ZNF420: variants seen among roughly 807,000 people sequenced by gnomAD.
ZNF420 encodes the protein zinc finger protein 420, also known as ATM and p53-associated KZNF protein.
ZNF420 carries 31 observed loss-of-function variants against 44.7 expected under a neutral mutation model. The observed-to-expected ratio is 0.69, with a 90% CI of 0.52 to 0.94. The LOEUF (loss-of-function observed/expected upper bound fraction) is 0.94. ZNF420 is among the 40% of genes least tolerant of loss of function. The pLI, the probability that ZNF420 is intolerant of heterozygous loss-of-function variation, is 0.00. For missense variants in ZNF420, 681 were observed against 827.9 expected, an observed-to-expected ratio of 0.82 and a Z score of 2.18; for synonymous variants, 245 against 267.4, an observed-to-expected ratio of 0.92 and a Z score of 0.82.
intron 1 of ZNF420, among the ~76,000 whole-genome samples, chr19:37,038,650 C>A (rs1301307178): frequency 1.3e-5 from 2 of 152,156 alleles, no homozygotes; most frequent in Non-Finnish European, 2.9e-5. Flanking sequence ...AACTCCTCAT[C>A]CATTAAGATT....
rs367703367 is a variant in ZNF420 at position 37,087,290 on chromosome 19, AAAATAAATAAAT to A, written c.-80-1713_-80-1702del. ...AGAGTGAGACCCTGTCTCAAAAAAAAAAATAAATAAATAAATAAATAAATAAATAAATAAATA... is the reference window on the plus strand; with the variant it reads ...AGAGTGAGACCCTGTCTCAAAAAAAAAAATAAATAAATAAATAAATAAATA... On this transcript the variant is annotated intron_variant, in intron 2 of 4. Coordinates refer to ENST00000337995, the MANE Select transcript of ZNF420 (RefSeq NM_144689.5). Among the ~76,000 whole-genome samples, 269 of 83,454 alleles carry A rather than the reference AAAATAAATAAAT, an allele frequency of 3.2e-3. 5 individuals are homozygous for A. The highest frequency in any genetic ancestry group is 0.014 in the African/African-American group (253 of 17,544). The allele number at this position is 83,454 out of a possible 152,430, so 54.7% of individuals were successfully genotyped here. A position where few individuals can be genotyped will look rare whatever the true frequency, so the allele number is the denominator to read the frequency against.
chr19:37,052,429 G>A (rs1046633351), intron 1 of ZNF420, among the ~76,000 whole-genome samples: 7 of 152,152 alleles, frequency 4.6e-5, no homozygotes, highest in South Asian at 2.1e-4. Flanking sequence ...TATTTTGCTC[G>A]TTAGTTGATG....
intron 4 of ZNF420, among the ~76,000 whole-genome samples, chr19:37,103,538 C>T (rs1455175546): frequency 1.3e-5 from 2 of 152,154 alleles, no homozygotes; most frequent in Non-Finnish European, 2.9e-5. Context: ...TAGATGATGT[C>T]CCTGAGCTGA....
intron 1 of ZNF420, among the ~76,000 whole-genome samples, chr19:37,036,275 T>A (rs1173428365): frequency 6.6e-6 from 1 of 152,198 alleles, no homozygotes; most frequent in African/African-American, 2.4e-5. Context: ...ATGTTTGAGG[T>A]TATGGATATG....
chr19:37,129,950 T>G lies in ZNF420; in HGVS notation c.*892T>G. The G allele has an allele frequency of 7.4e-5, 103 of 1,390,278 alleles. No homozygotes were observed. Among genetic ancestry groups the G allele is most frequent in the Non-Finnish European group, 9.1e-5 (97 of 1,064,536 alleles). 86.1% of individuals were successfully genotyped at this position (1,390,278 alleles called of 1,614,324 possible). ...CAGACTATTTTGCAATGAAAAATGA[T>G]GAGAGTTTGTGATACAGACTGCTTT... is the stretch of plus-strand genomic sequence containing the variant. On this transcript the variant is annotated 3_prime_UTR_variant, in exon 5 of 5. Coordinates refer to ENST00000337995, the MANE Select transcript of ZNF420 (RefSeq NM_144689.5).
chr19:37,054,288 C>T (rs1210676903), intron 1 of ZNF420, among the ~76,000 whole-genome samples: 1 of 152,220 alleles, frequency 6.6e-6, no homozygotes, highest in Non-Finnish European at 1.5e-5. Context: ...AGGGAATTCC[C>T]TGACCCCTTG....
intron 1 of ZNF420, among the ~76,000 whole-genome samples, chr19:37,052,017 A>G (rs921333127): frequency 8.5e-5 from 13 of 152,136 alleles, no homozygotes; most frequent in Admixed American, 3.3e-4. Context: ...CTAGCTCTCT[A>G]AGGACTTGCT....
intron 4 of ZNF420, among the ~76,000 whole-genome samples, chr19:37,104,075 C>T (rs558424368): frequency 6.6e-5 from 10 of 151,394 alleles, no homozygotes; most frequent in African/African-American, 1.9e-4. Context: ...TGGTGTACTG[C>T]ACCCATTAAC....
intron 2 of ZNF420, among the ~76,000 whole-genome samples, chr19:37,087,473 C>T (rs1968882187): frequency 6.6e-6 from 1 of 152,060 alleles, no homozygotes; most frequent in South Asian, 2.1e-4. Context: ...GCCCAAGTAT[C>T]TCTTGCAGAA....
intron 4 of ZNF420, chr19:37,108,299 A>G (rs1970204978): frequency 6.6e-6 from 1 of 152,216 alleles, no homozygotes; most frequent in Non-Finnish European, 1.5e-5. Context: ...CAGTCAAAAT[A>G]TGGATGGATG....
Position 37,127,395 on chromosome 19 carries a change from C to T in ZNF420, c.404C>T (p.Thr135Ile). The T allele has an allele frequency of 6.2e-7, 1 of 1,613,896 alleles. No individual in the cohort carries two copies. Among genetic ancestry groups the T allele is most frequent in the South Asian group, 1.1e-5 (1 of 91,066 alleles). The change falls in exon 5 of 5, where the codon ACT becomes ATT. Residue 135 changes from threonine (T) to isoleucine (I), a missense_variant. Thr to Ile is a moderately conservative substitution (Grantham distance 89). Around this residue, in one of 3 missense-constraint regions of ZNF420, gnomAD observed 350 missense variants for 382.5 expected, o/e 0.92. Coordinates refer to ENST00000337995, the MANE Select transcript of ZNF420 (RefSeq NM_144689.5). ...YLSQHSRCHS[T>I]EKPYKCKECG... ...TCTCAACATTCAAGATGTCATTCTA[C>T]TGAGAAACCCTATAAATGTAAGGAA...
At chr19:37,009,873 T>C (rs376620557) in intron 1 of ZNF420, among the ~76,000 whole-genome samples, 1 of 151,964 alleles carries the variant, frequency 6.6e-6, no homozygotes, top group Non-Finnish European at 1.5e-5. Flanking sequence ...AGAAGTTGGC[T>C]CAAGGAGGCC....
intron 4 of ZNF420, among the ~76,000 whole-genome samples, chr19:37,124,280 T>G (rs1971224973): frequency 6.6e-6 from 1 of 152,252 alleles, no homozygotes; most frequent in Non-Finnish European, 1.5e-5. Flanking sequence ...TGAGTAATGT[T>G]GCATGAATCA....
At chr19:37,106,831 G>A (rs954233042) in intron 4 of ZNF420, 1 of 152,132 alleles carries the variant, frequency 6.6e-6, no homozygotes, top group African/African-American at 2.4e-5. Context: ...TCGGAGAGGG[G>A]GATGTGGCAG....
intron 1 of ZNF420, among the ~76,000 whole-genome samples, chr19:37,044,971 G>A (rs2146415467): frequency 6.6e-6 from 1 of 152,260 alleles, no homozygotes; most frequent in East Asian, 1.9e-4. Context: ...AAGGGAAGAT[G>A]GCACACCAAA....
intron 4 of ZNF420, among the ~76,000 whole-genome samples, chr19:37,095,524 A>C (rs1032989153): frequency 6.6e-6 from 1 of 151,964 alleles, no homozygotes; most frequent in Admixed American, 6.6e-5. Flanking sequence ...CTCTTTCATT[A>C]TACCTTCCTT....
chr19:37,009,875 A>G (rs965591710), intron 1 of ZNF420, among the ~76,000 whole-genome samples: 2 of 152,110 alleles, frequency 1.3e-5, no homozygotes, highest in Non-Finnish European at 2.9e-5. Flanking sequence ...AAGTTGGCTC[A>G]AGGAGGCCCT....
At chr19:37,017,404 G>C (rs2074615899) in intron 1 of ZNF420, among the ~76,000 whole-genome samples, 1 of 152,140 alleles carries the variant, frequency 6.6e-6, no homozygotes, top group Non-Finnish European at 1.5e-5. Flanking sequence ...AGTATAGAAG[G>C]AAAACCTGCT....
intron 1 of ZNF420, among the ~76,000 whole-genome samples, chr19:37,018,074 A>C (rs1415294406): frequency 1.3e-5 from 2 of 152,192 alleles, no homozygotes; most frequent in Non-Finnish European, 2.9e-5. Flanking sequence ...ATCAAAAAGA[A>C]TAAACTTCTT....
Sources: allele counts gnomAD v4.1 joint callset (sites outside exome capture counted in the v4.1 genomes callset), GRCh38; gene constraint gnomAD v4.1.1; regional missense constraint gnomAD v4.1.1; transcripts MANE v1.5; gene names NCBI Gene and HGNC (gene_info 2026-07-23, HGNC 2026-07-21).